The following NEK6 variants were observed in gnomAD, a reference collection of about 807,000 sequenced individuals.
NEK6 encodes the protein serine/threonine-protein kinase Nek6.
A neutral mutation model predicts 43.5 loss-of-function variants in NEK6; 27 were observed. The ratio of observed to expected loss-of-function variants is 0.62; its 90% CI spans 0.46 to 0.86. The LOEUF is 0.86. Among genes scored for constraint, NEK6 ranks in the 40% least tolerant of loss-of-function variants. The probability of loss-of-function intolerance (pLI) is 0.00; values close to 1 mark genes in which losing one functional copy is unlikely to be tolerated. For synonymous variants in NEK6, 167 were observed against 164.1 expected (o/e 1.02, Z -0.14); for missense variants, 318 against 414.4 (o/e 0.77, Z 2.02).
intron 4 of NEK6, among the ~76,000 whole-genome samples, chr9:124,320,637 C>G (rs1002899083): frequency 6.6e-6 from 1 of 152,224 alleles, no homozygotes; most frequent in African/African-American, 2.4e-5. Flanking sequence ...AGGGGCTCCT[C>G]TTAGCCTGGA....
intron 7 of NEK6, among the ~76,000 whole-genome samples, chr9:124,335,565 G>T (rs764838892): frequency 6.6e-6 from 1 of 152,258 alleles, no homozygotes. Context: ...AATGAGCAGT[G>T]TGTTCAGCTG....
rs1829494935 is a variant in NEK6, at chr9:124,339,723, G to T, written c.717+58G>T. The T allele has an allele frequency of 5.5e-6, 7 of 1,265,110 alleles. No individual in the cohort carries two copies. In the Admixed American group the frequency reaches 1.2e-4, roughly 21 times the overall value. The allele number at this position is 1,265,110 out of a possible 1,614,324, so 78.4% of individuals were successfully genotyped here. A position where few individuals can be genotyped will look rare whatever the true frequency, so the allele number is the denominator to read the frequency against. On this transcript the variant is annotated intron_variant, in intron 8 of 9. Transcript: ENST00000320246. ...GTGGGACATGCATGGGGGGTGCCCA[G>T]TTAGGACAGGGCTCACCCTACCAGC...
chr9:124,289,120 A>G (rs1832286215), intron 1 of NEK6, among the ~76,000 whole-genome samples: 1 of 150,604 alleles, frequency 6.6e-6, no homozygotes, highest in African/African-American at 2.5e-5. Context: ...TGCTAGGATT[A>G]CAGGTGTGAG....
At chr9:124,289,167 A>AC (rs1203191463) in intron 1 of NEK6, among the ~76,000 whole-genome samples, 617 of 15,158 alleles carry the variant, frequency 0.041, 25 homozygotes, top group Non-Finnish European at 0.052. Flanking sequence ...TTGATTGGAC[A>AC]CCCCCCCCGC....
chr9:124,271,826 C>G (rs923358226), intron 1 of NEK6, among the ~76,000 whole-genome samples: 3 of 152,252 alleles, frequency 2.0e-5, no homozygotes, highest in African/African-American at 7.2e-5. Flanking sequence ...TTGTTCTTGG[C>G]AGGGAGCAGA....
At chr9:124,335,026 G>C (rs1002536802) in intron 7 of NEK6, among the ~76,000 whole-genome samples, 2 of 152,206 alleles carry the variant, frequency 1.3e-5, no homozygotes, top group African/African-American at 4.8e-5. Context: ...GCACAGTGGT[G>C]TCTCTCACTG....
At chr9:124,348,041 G>C (rs1460352417) in intron 9 of NEK6, among the ~76,000 whole-genome samples, 1 of 152,240 alleles carries the variant, frequency 6.6e-6, no homozygotes, top group Non-Finnish European at 1.5e-5. Context: ...CCCCAGGTAG[G>C]AACCAGTGGC....
chr9:124,307,976 C>A (rs529139724), intron 2 of NEK6, among the ~76,000 whole-genome samples: 7 of 152,304 alleles, frequency 4.6e-5, no homozygotes, highest in African/African-American at 1.4e-4. Flanking sequence ...TAGGCCCATT[C>A]GACAGATAGC....
At chr9:124,336,416 G>A (rs934127417) in intron 7 of NEK6, among the ~76,000 whole-genome samples, 1 of 152,150 alleles carries the variant, frequency 6.6e-6, no homozygotes, top group African/African-American at 2.4e-5. Context: ...TGGGGGCTTT[G>A]TGTTTTTTAA....
chr9:124,282,640 C>T (rs912288700), intron 1 of NEK6, among the ~76,000 whole-genome samples: 8 of 150,348 alleles, frequency 5.3e-5, no homozygotes, highest in Non-Finnish European at 7.4e-5. Flanking sequence ...GGGTCAGACA[C>T]GCCCACTGAA....
At chr9:124,303,462 C>A (rs1833098207) in intron 2 of NEK6, among the ~76,000 whole-genome samples, 1 of 152,258 alleles carries the variant, frequency 6.6e-6, no homozygotes, top group South Asian at 2.1e-4. Context: ...AATCCTTCTC[C>A]TGTGCTTGCA....
At chr9:124,344,912 C>T (rs1381524556) in intron 8 of NEK6, among the ~76,000 whole-genome samples, 1 of 152,220 alleles carries the variant, frequency 6.6e-6, no homozygotes, top group African/African-American at 2.4e-5. Context: ...GGTGGAGGAG[C>T]AGGGCTGCAG....
intron 1 of NEK6, among the ~76,000 whole-genome samples, chr9:124,270,245 G>A (rs570864925): frequency 2.6e-5 from 4 of 152,204 alleles, no homozygotes; most frequent in Admixed American, 6.5e-5. Flanking sequence ...CACCTGGAGC[G>A]GGGCCTGGCA....
At chr9:124,327,692 G>A (rs951429893) in intron 7 of NEK6, among the ~76,000 whole-genome samples, 5 of 152,222 alleles carry the variant, frequency 3.3e-5, no homozygotes, top group African/African-American at 9.7e-5. Context: ...AGCTGACTGA[G>A]CCGGTTGCTT....
At chr9:124,347,849 G>A (rs762762322) in intron 9 of NEK6, 27 bp downstream of exon 9, 31 of 1,480,786 alleles carry the variant, frequency 2.1e-5, no homozygotes, top group African/African-American at 4.2e-5. Context: ...CGGAGGCCTC[G>A]CCAGCCCCAG....
intron 1 of NEK6, among the ~76,000 whole-genome samples, chr9:124,295,808 G>A (rs1832660971): frequency 1.3e-5 from 2 of 152,194 alleles, no homozygotes; most frequent in Admixed American, 1.3e-4. Flanking sequence ...GGCTTGCGCT[G>A]AGTTTCTTTC....
At chr9:124,264,140 C>T (rs531174031) in intron 1 of NEK6, among the ~76,000 whole-genome samples, 27 of 152,314 alleles carry the variant, frequency 1.8e-4, no homozygotes, top group Admixed American at 1.1e-3. Flanking sequence ...TTTATGCCCC[C>T]GCCCCCCAAA....
At chr9:124,300,836 G>A (rs1385925331) in intron 1 of NEK6, among the ~76,000 whole-genome samples, 2 of 152,210 alleles carry the variant, frequency 1.3e-5, no homozygotes, top group Non-Finnish European at 2.9e-5. Context: ...GGCTCTCCAG[G>A]GGTACAGCTG....
chr9:124,295,132 C>A (rs965527201), intron 1 of NEK6, among the ~76,000 whole-genome samples: 2 of 152,262 alleles, frequency 1.3e-5, no homozygotes, highest in Non-Finnish European at 2.9e-5. Context: ...AGCGGGGAAC[C>A]TGTCTGCATG....
Sources: allele counts gnomAD v4.1 joint callset (sites outside exome capture counted in the v4.1 genomes callset), GRCh38; gene constraint gnomAD v4.1.1; transcripts MANE v1.5; gene names NCBI Gene and HGNC (gene_info 2026-07-23, HGNC 2026-07-21).